PCDHGA3: variants seen among roughly 807,000 people sequenced by gnomAD.
PCDHGA3 encodes protocadherin gamma subfamily A, 3.
Under a neutral mutation model 58.5 loss-of-function variants are expected in PCDHGA3, and 40 were observed. The ratio of observed to expected loss-of-function variants is 0.68; its 90% CI spans 0.53 to 0.89. The LOEUF is 0.89. Among genes scored for constraint, PCDHGA3 ranks in the 40% least tolerant of loss-of-function variants. PCDHGA3 has a pLI of 0.00. For missense variants in PCDHGA3, 1,223 were observed against 1,195.9 expected (o/e 1.02, Z -0.33); for synonymous variants, 530 against 525.7 (o/e 1.01, Z -0.11).
chr5:141,490,196 A>G lies in PCDHGA3; in HGVS notation c.2425-4611A>G, dbSNP rs748858034. On this transcript the variant is annotated intron_variant, in intron 1 of 3. Coordinates refer to ENST00000253812, the MANE Select transcript of PCDHGA3 (RefSeq NM_018916.4). The surrounding 1 kb of genome is among the most constrained non-coding windows in gnomAD (Gnocchi z 5.4). ...GAGGAGTCACGTTTCTATGAAATTCATGCAAGAGCCCGTGACCAGGGACAG... is the reference window on the plus strand; with the variant it reads ...GAGGAGTCACGTTTCTATGAAATTCGTGCAAGAGCCCGTGACCAGGGACAG... The G allele has an allele frequency of 3.7e-6, 6 of 1,614,196 alleles. No individual in the cohort carries two copies. The highest frequency in any genetic ancestry group is 4.2e-6 in the Non-Finnish European group (5 of 1,180,020).
intron 1 of PCDHGA3, chr5:141,371,507 A>G: frequency 6.2e-7 from 1 of 1,613,910 alleles, no homozygotes; most frequent in Non-Finnish European, 8.5e-7. Context: ...TGATCAAAAC[A>G]CATGATCTAG....
chr5:141,344,926 G>A lies in PCDHGA3; in HGVS notation c.893G>A (p.Ser298Asn), dbSNP rs756871920. 1 of 1,613,900 alleles carries A rather than the reference G, an allele frequency of 6.2e-7. No homozygotes were observed. The highest frequency in any genetic ancestry group is 1.1e-5 in the South Asian group (1 of 91,076). The change falls in exon 1 of 4, where the codon AGT becomes AAT. Residue 298 changes from serine (S) to asparagine (N), a missense_variant. Physicochemically the swap from Ser to Asn is conservative, Grantham distance 46 (BLOSUM62 1). This residue lies in a region of PCDHGA3 where 791 missense variants were observed against 708.5 expected (regional missense o/e 1.12). Transcript: ENST00000253812. ...GAGATTTTCCATCTTAACTCAGTGA[G>A]TGGAGAAGTATCAATATTAAAAAGT... ...IAEIFHLNSV[S>N]GEVSILKSLD...
At chr5:141,363,620 A>G (rs779987029) in intron 1 of PCDHGA3, among the ~76,000 whole-genome samples, 3 of 152,264 alleles carry the variant, frequency 2.0e-5, no homozygotes, top group Admixed American at 1.3e-4. Context: ...TAGTGGAGAG[A>G]CTTTCTCAAA....
chr5:141,408,801 T>C, intron 1 of PCDHGA3: 1 of 1,613,142 alleles, frequency 6.2e-7, no homozygotes, highest in Admixed American at 1.7e-5. Context: ...GAGAAACTCC[T>C]AGACCGGGAA....
At chr5:141,417,784 G>T in intron 1 of PCDHGA3, 2 of 1,474,908 alleles carry the variant, frequency 1.4e-6, no homozygotes, top group Non-Finnish European at 9.0e-7. Context: ...GTCCTGGGCC[G>T]AATGCTCTTT....
rs558103357 is a variant in PCDHGA3 at position 141,345,992 on chromosome 5, T to G, written c.1959T>G (p.Pro653=). 77 of 1,613,030 alleles carry G rather than the reference T, an allele frequency of 4.8e-5. No homozygotes were observed. In the Middle Eastern group the frequency reaches 7.0e-4, roughly 15 times the overall value. ...CCGTCCAGGACCACGGCCAGCCCCC[T>G]CTCTCCGCCACTGTCACGCTCACCG... The part of the protein sequence containing the change: ...VVAVQDHGQP[P]LSATVTLTVA... The change falls in exon 1 of 4, where the codon CCT becomes CCG. Residue 653 remains proline, a synonymous_variant. Transcript: ENST00000253812.
rs1261694629 is a variant in PCDHGA3, at chr5:141,355,817, C to T, written c.2424+9360C>T. 9.9e-6 allele frequency: 16 copies of T among 1,612,766 alleles called. No homozygotes were observed. Among genetic ancestry groups the T allele is most frequent in the African/African-American group, 5.3e-5 (4 of 74,906 alleles). On this transcript the variant is annotated intron_variant, in intron 1 of 3. Coordinates refer to ENST00000253812, the MANE Select transcript of PCDHGA3 (RefSeq NM_018916.4). ...CGCGCTCTAGATCGCGAGGAAGAGGCGGTTCACCACCTCGTTCTCACGGCC... is the reference window on the plus strand; with the variant it reads ...CGCGCTCTAGATCGCGAGGAAGAGGTGGTTCACCACCTCGTTCTCACGGCC...
intron 1 of PCDHGA3, among the ~76,000 whole-genome samples, chr5:141,437,990 C>G (rs1298325497): frequency 1.3e-5 from 2 of 152,148 alleles, no homozygotes; most frequent in Non-Finnish European, 2.9e-5. Flanking sequence ...CCCACCCCAC[C>G]TCAGCCTCCC....
chr5:141,371,790 C>A, intron 1 of PCDHGA3: 1 of 1,613,956 alleles, frequency 6.2e-7, no homozygotes, highest in Middle Eastern at 1.6e-4. Flanking sequence ...TGAGAACAAT[C>A]CGCCTGGAGC....
intron 2 of PCDHGA3, among the ~76,000 whole-genome samples, chr5:141,503,295 T>C (rs567706089): frequency 6.6e-6 from 1 of 152,070 alleles, no homozygotes; most frequent in Non-Finnish European, 1.5e-5. Context: ...TACATAGAAA[T>C]TGCTCAAGAA....
intron 1 of PCDHGA3, among the ~76,000 whole-genome samples, chr5:141,363,513 T>A (rs995820646): frequency 6.6e-6 from 1 of 152,210 alleles, no homozygotes; most frequent in Non-Finnish European, 1.5e-5. Context: ...TCCTCCACAG[T>A]TACTATACTG....
intron 1 of PCDHGA3, chr5:141,366,371 C>G (rs780787385): frequency 6.2e-7 from 1 of 1,613,992 alleles, no homozygotes; most frequent in Non-Finnish European, 8.5e-7. Context: ...TATCAAGACC[C>G]CCATTGACCC....
chr5:141,487,889 T>C lies in PCDHGA3; in HGVS notation c.2425-6918T>C, dbSNP rs984668596. On this transcript the variant is annotated intron_variant, in intron 1 of 3. Transcript: ENST00000253812. The surrounding 1 kb of genome is among the most constrained non-coding windows in gnomAD (Gnocchi z 5.0). ...CAAGAGCCAGGCTGTTGTGGAAGCA[T>C]GATGATGGAATGTGGGAGCACAGGA... 6.7e-6 allele frequency: 5 copies of C among 747,180 alleles called. No homozygotes were observed. The highest frequency in any genetic ancestry group is 1.1e-5 in the Non-Finnish European group (5 of 464,054). The allele number at this position is 747,180 out of a possible 1,614,324, so 46.3% of individuals were successfully genotyped here. A position where few individuals can be genotyped will look rare whatever the true frequency, so the allele number is the denominator to read the frequency against.
At chr5:141,469,780 G>A (rs775691161) in intron 1 of PCDHGA3, among the ~76,000 whole-genome samples, 12 of 152,080 alleles carry the variant, frequency 7.9e-5, no homozygotes, top group Non-Finnish European at 1.8e-4. Context: ...ATTTATTACA[G>A]CGTTATTTGT....
intron 1 of PCDHGA3, chr5:141,394,586 G>T: frequency 3.1e-6 from 5 of 1,613,888 alleles, no homozygotes; most frequent in Non-Finnish European, 4.2e-6. Context: ...TGACCAAGGT[G>T]GTGGCGGTGG....
At chr5:141,352,960 C>G (rs925936968) in intron 1 of PCDHGA3, among the ~76,000 whole-genome samples, 8 of 152,066 alleles carry the variant, frequency 5.3e-5, no homozygotes, top group Non-Finnish European at 1.2e-4. Context: ...TGCACTCCAG[C>G]CTGGGTGATG....
chr5:141,371,111 C>T (rs748436182), intron 1 of PCDHGA3: 1 of 1,613,898 alleles, frequency 6.2e-7, no homozygotes, highest in African/African-American at 1.3e-5. Flanking sequence ...ATGATAACCC[C>T]CCAGTATTTA....
intron 1 of PCDHGA3, chr5:141,362,374 A>T (rs1561526644): frequency 6.2e-7 from 1 of 1,614,036 alleles, no homozygotes; most frequent in Admixed American, 1.7e-5. Flanking sequence ...CAGTGAGGGT[A>T]CATTGCCCTA....
In PCDHGA3 at chr5:141,403,683, A is replaced by G. The variant is rs757429628; in HGVS notation, c.2424+57226A>G. 2.5e-6 allele frequency: 4 copies of G among 1,613,804 alleles called. No individual in the cohort carries two copies. The highest frequency in any genetic ancestry group is 1.7e-6 in the Non-Finnish European group (2 of 1,179,888). ...AATGATAATGCCCCGGTTTTTGCTC[A>G]ACGGATTTACCGAGTTAAAGTCCTT... On this transcript the variant is annotated intron_variant, in intron 1 of 3. Transcript: ENST00000253812.
Sources: allele counts gnomAD v4.1 joint callset (sites outside exome capture counted in the v4.1 genomes callset), GRCh38; gene constraint gnomAD v4.1.1; regional missense constraint gnomAD v4.1.1; non-coding constraint Gnocchi (gnomAD v3.1); transcripts MANE v1.5; gene names NCBI Gene and HGNC (gene_info 2026-07-23, HGNC 2026-07-21).